NFATC1: variants seen among roughly 807,000 people sequenced by gnomAD.
The protein encoded by NFATC1 is nuclear factor of activated T-cells, cytoplasmic 1.
A neutral mutation model predicts 76.0 loss-of-function variants in NFATC1; 22 were observed. The observed-to-expected ratio is 0.29, with a 90% confidence interval of 0.21 to 0.41. NFATC1 has a LOEUF of 0.41. Ranked by LOEUF, NFATC1 falls within the 10% of genes least tolerant of loss-of-function variation. The pLI is 1.00. For synonymous variants in NFATC1, 704 were observed against 613.1 expected, an observed-to-expected ratio of 1.15 and a Z score of -2.19; for missense variants, 1,357 against 1,337.7, an observed-to-expected ratio of 1.01 and a Z score of -0.23.
chr18:79,396,699 A>C (rs952905753), intron 1 of NFATC1, among the ~76,000 whole-genome samples: 2 of 151,976 alleles, frequency 1.3e-5, no homozygotes, highest in African/African-American at 4.8e-5. Flanking sequence ...CGTGGGAGGG[A>C]GGAAGGGAGG....
intron 9 of NFATC1, chr18:79,498,045 C>G (rs571144819): frequency 1.1e-4 from 13 of 115,330 alleles, no homozygotes; most frequent in Non-Finnish European, 2.3e-4. Context: ...CGAGAAACAA[C>G]AAGTCCTATT....
chr18:79,459,332 G>T (rs531973709), intron 6 of NFATC1, among the ~76,000 whole-genome samples: 1 of 152,198 alleles, frequency 6.6e-6, no homozygotes, highest in Non-Finnish European at 1.5e-5. Flanking sequence ...CCATGCCGTC[G>T]TTCCATTTGC....
chr18:79,509,673 A>G (rs2090198494), intron 9 of NFATC1, among the ~76,000 whole-genome samples: 1 of 152,248 alleles, frequency 6.6e-6, no homozygotes, highest in African/African-American at 2.4e-5. Context: ...CTAAAGTTAC[A>G]GAAGGTTCTG....
rs989383097 is a variant in NFATC1 at position 79,396,146 on chromosome 18, G to T, written c.-79G>T. 2 of 1,327,012 alleles carry T rather than the reference G, an allele frequency of 1.5e-6. 1 individual carries two copies. The highest frequency in any genetic ancestry group is 3.1e-5 in the African/African-American group (2 of 63,686). 82.2% of individuals were successfully genotyped at this position (1,327,012 alleles called of 1,614,324 possible). A position where few individuals can be genotyped will look rare whatever the true frequency, so the allele number is the denominator to read the frequency against. ...CCGGGGCGAGGGCTGTCTTCCCGGA[G>T]ACCCGACCCCGGCAGCGCGGGGCGG... is the stretch of plus-strand genomic sequence containing the variant. On this transcript the variant is annotated 5_prime_UTR_variant, in exon 1 of 10. Coordinates refer to ENST00000427363, the MANE Select transcript of NFATC1 (RefSeq NM_001278669.2).
At position 79,395,999 on chromosome 18, in the gene NFATC1, C is replaced by T. The variant is rs2084991338; in HGVS notation, c.-226C>T. The T allele has an allele frequency of 3.6e-6, 1 of 278,344 alleles. No individual in the cohort carries two copies. 17.2% of individuals were successfully genotyped at this position (278,344 alleles called of 1,614,324 possible). On this transcript the variant is annotated 5_prime_UTR_variant, in exon 1 of 10. Coordinates refer to ENST00000427363, the MANE Select transcript of NFATC1 (RefSeq NM_001278669.2). ...GCCGCGCCAGATCCCAGCAGCAGGG[C>T]GCGGGCACCGGGGCGCGGGCAGGGC...
chr18:79,459,698 T>C (rs1168432439), intron 6 of NFATC1, among the ~76,000 whole-genome samples: 1 of 152,136 alleles, frequency 6.6e-6, no homozygotes, highest in East Asian at 1.9e-4. Context: ...CCACAGCCTT[T>C]TGTGGGGTGT....
intron 2 of NFATC1, among the ~76,000 whole-genome samples, chr18:79,429,855 C>T (rs55673638): frequency 0.13 from 20,405 of 152,294 alleles, 1,647 homozygotes; most frequent in Non-Finnish European, 0.18. Flanking sequence ...TCCTGCACCG[C>T]GGCGTCGGGT....
At chr18:79,401,821 G>A (rs767801867) in intron 1 of NFATC1, among the ~76,000 whole-genome samples, 16 of 152,202 alleles carry the variant, frequency 1.1e-4, no homozygotes, top group Non-Finnish European at 2.1e-4. Flanking sequence ...CGTTCACAGC[G>A]TGAATCACTG....
rs574030169 is a variant in NFATC1, at chr18:79,413,180, G to A, written c.1226+1679G>A. On this transcript the variant is annotated intron_variant, in intron 2 of 9. Transcript: ENST00000427363. ...CACCGCGGAACTTCACTGAACTGGCGAGATAAGGGAAGAGTGATGTCATCA... is the reference window on the plus strand; with the variant it reads ...CACCGCGGAACTTCACTGAACTGGCAAGATAAGGGAAGAGTGATGTCATCA... Among the ~76,000 whole-genome samples the A allele has an allele frequency of 4.6e-5, 7 of 152,318 alleles. No individual in the cohort carries two copies. The South Asian group carries it at 6.2e-4, about 14-fold the overall frequency.
rs923704909 is a variant in NFATC1 at position 79,465,682 on chromosome 18, G to A, written c.1960-1768G>A. Among the ~76,000 whole-genome samples the A allele has an allele frequency of 6.6e-6, 1 of 152,222 alleles. No homozygotes were observed. The highest frequency in any genetic ancestry group is 1.9e-4 in the East Asian group (1 of 5,204). The stretch of plus-strand genomic sequence containing the variant: ...CGTTTCCTTCTTGTCTCTTCCCTCA[G>A]CTGCTTCTGCTCTAAAGACCCACCT... On this transcript the variant is annotated intron_variant, in intron 7 of 9. Coordinates refer to ENST00000427363, the MANE Select transcript of NFATC1 (RefSeq NM_001278669.2). This position sits in a 1 kb window ranked among gnomAD's most constrained non-coding sequence, Gnocchi z 4.2.
intron 9 of NFATC1, among the ~76,000 whole-genome samples, chr18:79,520,614 G>T (rs34764406): frequency 0.34 from 27,975 of 81,346 alleles, 4,786 homozygotes; most frequent in Non-Finnish European, 0.44. Context: ...TGTGTGTGTG[G>T]GGGGGGCATC....
At chr18:79,428,304 C>T (rs2086469570) in intron 2 of NFATC1, among the ~76,000 whole-genome samples, 1 of 152,190 alleles carries the variant, frequency 6.6e-6, no homozygotes, top group African/African-American at 2.4e-5. Context: ...GTGTTGTTTT[C>T]AGTCTTGCAC....
intron 2 of NFATC1, among the ~76,000 whole-genome samples, chr18:79,427,891 T>TGGGC (rs2086446944): frequency 1.8e-5 from 1 of 54,532 alleles, no homozygotes; most frequent in African/African-American, 7.7e-5. Flanking sequence ...GTGCAGTGAG[T>TGGGC]CGGGGAGGGG....
chr18:79,422,924 G>A (rs979200497), intron 2 of NFATC1: 1 of 152,540 alleles, frequency 6.6e-6, no homozygotes, highest in Non-Finnish European at 1.5e-5. Flanking sequence ...GCGAGGGCTG[G>A]GGGCTGCCTC....
At chr18:79,463,678 G>A (rs1300169076) in intron 7 of NFATC1, among the ~76,000 whole-genome samples, 4 of 152,348 alleles carry the variant, frequency 2.6e-5, no homozygotes, top group South Asian at 2.1e-4. Context: ...TCTGCTGTGC[G>A]TCTGTGCTGG....
chr18:79,408,095 C>T (rs1012119607), intron 1 of NFATC1, among the ~76,000 whole-genome samples: 5 of 152,202 alleles, frequency 3.3e-5, no homozygotes, highest in South Asian at 2.1e-4. Flanking sequence ...ACCAGGCTGC[C>T]GTGCCGTGTT....
At position 79,455,165 on chromosome 18, in the gene NFATC1, C is replaced by T. The variant is rs138848797; in HGVS notation, c.1903+3349C>T. ...TGAACAACCTCCTTTTCTTAAGTCA[C>T]GCGTCTGTTCTGGTGCCGTTTTTTA... On this transcript the variant is annotated intron_variant, in intron 6 of 9. Coordinates refer to ENST00000427363, the MANE Select transcript of NFATC1 (RefSeq NM_001278669.2). 2.0e-3 allele frequency among the ~76,000 whole-genome samples: 298 copies of T among 152,356 alleles called. 3 individuals carry two copies. Among genetic ancestry groups the T allele is most frequent in the Admixed American group, 8.9e-3 (136 of 15,308 alleles).
chr18:79,442,047 C>T (rs1228046772), intron 3 of NFATC1, among the ~76,000 whole-genome samples: 1 of 152,026 alleles, frequency 6.6e-6, no homozygotes, highest in East Asian at 1.9e-4. Context: ...GTCTGGGGTT[C>T]GTGCCGAGCG....
intron 1 of NFATC1, 139 bp downstream of exon 1, chr18:79,396,490 G>A: frequency 2.3e-6 from 1 of 434,260 alleles, no homozygotes; most frequent in Non-Finnish European, 3.3e-6. Context: ...CGCCCAGGGA[G>A]GGGCGCGGCG....
Sources: gnomAD v4.1 joint callset for allele counts (sites outside exome capture counted in the v4.1 genomes callset) on GRCh38, gnomAD v4.1.1 for gene constraint, Gnocchi (gnomAD v3.1) non-coding constraint, MANE v1.5 for transcripts, NCBI Gene and HGNC (gene_info 2026-07-23, HGNC 2026-07-21) for gene names.